Variants in PIEZO2 observed in about 807,000 individuals in gnomAD.
PIEZO2 encodes piezo type mechanosensitive ion channel component 2.
PIEZO2 carries 172 observed loss-of-function variants against 337.3 expected under a neutral mutation model. The observed-to-expected ratio is 0.51, with a 90% CI of 0.45 to 0.58. PIEZO2 has a LOEUF of 0.58. Ranked by LOEUF, PIEZO2 falls within the 20% of genes least tolerant of loss-of-function variation. The pLI, the probability that PIEZO2 is intolerant of heterozygous loss-of-function variation, is 0.00. For synonymous variants in PIEZO2, 1,251 were observed against 1,228.5 expected (o/e 1.02, Z -0.38); for missense variants, 3,028 against 3,391.3 (o/e 0.89, Z 2.66).
At chr18:10,717,833 C>A (rs1489257432) in intron 37 of PIEZO2, among the ~76,000 whole-genome samples, 4 of 152,154 alleles carry the variant, frequency 2.6e-5, no homozygotes, top group Non-Finnish European at 4.4e-5. Context: ...CTCTCATTTA[C>A]CTCCTCCTCT....
chr18:11,054,048 G>A (rs953233699), intron 2 of PIEZO2, among the ~76,000 whole-genome samples: 3 of 151,930 alleles, frequency 2.0e-5, no homozygotes, highest in African/African-American at 4.8e-5. Context: ...AACAAAAACC[G>A]TAATACCTCA....
intron 36 of PIEZO2, chr18:10,725,568 T>A: frequency 7.3e-7 from 1 of 1,368,092 alleles, no homozygotes; most frequent in Non-Finnish European, 9.9e-7. Flanking sequence ...TTCTCCCCTG[T>A]CCCTCCTGAG....
intron 2 of PIEZO2, among the ~76,000 whole-genome samples, chr18:10,996,585 T>TG (rs1028609118): frequency 2.0e-5 from 3 of 152,244 alleles, no homozygotes; most frequent in African/African-American, 7.2e-5. Context: ...TCATACAGTA[T>TG]GTGGCCTTTT....
intron 4 of PIEZO2, among the ~76,000 whole-genome samples, chr18:10,901,458 A>T (rs940045089): frequency 2.1e-5 from 3 of 145,218 alleles, no homozygotes; most frequent in African/African-American, 7.7e-5. Context: ...ACACACACAC[A>T]CTGCAGGTGA....
intron 2 of PIEZO2, among the ~76,000 whole-genome samples, chr18:11,025,898 G>T (rs1395168400): frequency 2.0e-5 from 3 of 152,162 alleles, no homozygotes; most frequent in Admixed American, 6.5e-5. Flanking sequence ...CTTAACTCCA[G>T]ACTATAAGAT....
chr18:10,881,468 T>C (rs145505727), intron 4 of PIEZO2, among the ~76,000 whole-genome samples: 35 of 152,316 alleles, frequency 2.3e-4, no homozygotes, highest in African/African-American at 8.2e-4. Flanking sequence ...GAGAGTAGGA[T>C]GCCGGGCCAA....
intron 49 of PIEZO2, among the ~76,000 whole-genome samples, chr18:10,684,595 G>A (rs568020780): frequency 6.6e-6 from 1 of 151,978 alleles, no homozygotes; most frequent in East Asian, 1.9e-4. Context: ...CTCTCAAGTA[G>A]CTGGGACTAC....
chr18:10,989,443 A>G (rs2035008123), intron 2 of PIEZO2, among the ~76,000 whole-genome samples: 1 of 152,046 alleles, frequency 6.6e-6, no homozygotes, highest in African/African-American at 2.4e-5. Flanking sequence ...GTGACTTTGG[A>G]GTGACGAGTG....
chr18:10,843,609 T>C (rs1360050959), intron 7 of PIEZO2, among the ~76,000 whole-genome samples: 1 of 152,198 alleles, frequency 6.6e-6, no homozygotes, highest in Non-Finnish European at 1.5e-5. Flanking sequence ...TTTATCCACT[T>C]CGTATTTTGA....
At chr18:10,728,414 A>G (rs2036624806) in intron 36 of PIEZO2, 1 of 152,206 alleles carries the variant, frequency 6.6e-6, no homozygotes, top group Non-Finnish European at 1.5e-5. Context: ...ACACACTCAT[A>G]TATATTATGA....
intron 1 of PIEZO2, among the ~76,000 whole-genome samples, chr18:11,074,200 T>C (rs892540165): frequency 6.6e-6 from 1 of 152,122 alleles, no homozygotes; most frequent in Non-Finnish European, 1.5e-5. Context: ...TCTGGAGACA[T>C]TTAAAGCACA....
rs143109338 is a variant in PIEZO2, at chr18:10,717,205, C to T, written c.5089+995G>A. Reference sequence around the variant, plus strand: ...AACAAGTTAATATACTCCAAACTCTCGAAAAAGTGCCTGAGAAACAAGACA... The same window carrying T: ...AACAAGTTAATATACTCCAAACTCTTGAAAAAGTGCCTGAGAAACAAGACA... On this transcript the variant is annotated intron_variant, in intron 37 of 55. Transcript: ENST00000674853. 2.2e-3 allele frequency among the ~76,000 whole-genome samples: 341 copies of T among 152,300 alleles called. 1 individual carries two copies. The highest frequency in any genetic ancestry group is 7.8e-3 in the African/African-American group (323 of 41,564).
At chr18:11,018,435 T>TGTGTGTGTGTG (rs2036200370) in intron 2 of PIEZO2, among the ~76,000 whole-genome samples, 2 of 92,842 alleles carry the variant, frequency 2.2e-5, no homozygotes, top group Non-Finnish European at 4.4e-5. Flanking sequence ...GTGTGTGTGT[T>TGTGTGTGTGTG]GAAATAAAGG....
intron 22 of PIEZO2, 98 bp from the exon 23 acceptor site, chr18:10,762,723 G>A (rs2038188911): frequency 7.1e-7 from 1 of 1,416,644 alleles, no homozygotes; most frequent in African/African-American, 1.4e-5. Context: ...GATAGTGGTA[G>A]GATGGGAGGG....
At chr18:10,825,986 A>T (rs2040665201) in intron 7 of PIEZO2, among the ~76,000 whole-genome samples, 1 of 152,180 alleles carries the variant, frequency 6.6e-6, no homozygotes, top group South Asian at 2.1e-4. Context: ...TATTCATTCA[A>T]TCATTTACTT....
At chr18:10,680,711 G>A (rs2034227503) in intron 51 of PIEZO2, among the ~76,000 whole-genome samples, 2 of 152,178 alleles carry the variant, frequency 1.3e-5, no homozygotes, top group Admixed American at 1.3e-4. Context: ...GAACGTCTCT[G>A]TCATGAGAGA....
intron 4 of PIEZO2, among the ~76,000 whole-genome samples, chr18:10,901,757 C>T (rs2043054329): frequency 1.3e-5 from 2 of 152,072 alleles, no homozygotes; most frequent in African/African-American, 4.8e-5. Flanking sequence ...ACATTCTTAT[C>T]AAATGGGGGC....
intron 49 of PIEZO2, among the ~76,000 whole-genome samples, chr18:10,686,781 G>A (rs1398991618): frequency 6.6e-6 from 1 of 152,146 alleles, no homozygotes; most frequent in African/African-American, 2.4e-5. Context: ...TTGGGAAGGA[G>A]TTAGGCAATG....
rs2040906030 is a variant in PIEZO2 at position 10,833,286 on chromosome 18, G to C, written c.917+22067C>G. Among the ~76,000 whole-genome samples, 3 of 152,130 alleles carry C rather than the reference G, an allele frequency of 2.0e-5. No homozygotes were observed. The highest frequency in any genetic ancestry group is 1.3e-4 in the Admixed American group (2 of 15,282). On this transcript the variant is annotated intron_variant, in intron 7 of 55. Coordinates refer to ENST00000674853, the MANE Select transcript of PIEZO2 (RefSeq NM_001378183.1). This position sits in a 1 kb window ranked among gnomAD's most constrained non-coding sequence, Gnocchi z 4.7. The stretch of plus-strand genomic sequence containing the variant: ...AGTGGCAGCACAGAGATGAAACACA[G>C]TTCTGACGCACTGGGATTCACTTAT...
Sources: allele counts gnomAD v4.1 joint callset (sites outside exome capture counted in the v4.1 genomes callset), GRCh38; gene constraint gnomAD v4.1.1; non-coding constraint Gnocchi (gnomAD v3.1); transcripts MANE v1.5; gene names NCBI Gene and HGNC (gene_info 2026-07-23, HGNC 2026-07-21).